TG: variants seen among roughly 807,000 people sequenced by gnomAD.
TG encodes the protein thyroid hormones.
A neutral mutation model predicts 324.7 loss-of-function variants in TG; 270 were observed. The ratio of observed to expected loss-of-function variants is 0.83; its 90% CI spans 0.75 to 0.92. The LOEUF (loss-of-function observed/expected upper bound fraction) is 0.92, where lower values mean the gene tolerates loss of function less well. Among genes scored for constraint, TG ranks in the 40% least tolerant of loss-of-function variants. The pLI is 0.00. For missense variants in TG, 3,591 were observed against 3,456.4 expected (o/e 1.04, Z -0.98); for synonymous variants, 1,401 against 1,327.0 (o/e 1.06, Z -1.21).
At chr8:132,881,468 T>C (rs1279762866) in intron 5 of TG, among the ~76,000 whole-genome samples, 2 of 152,200 alleles carry the variant, frequency 1.3e-5, no homozygotes, top group African/African-American at 2.4e-5. Context: ...CAATGTACCA[T>C]ATGTTTGTAA....
intron 26 of TG, among the ~76,000 whole-genome samples, chr8:132,943,312 A>C (rs956184421): frequency 6.6e-6 from 1 of 150,830 alleles, no homozygotes; most frequent in Admixed American, 6.6e-5. Context: ...CCTCTCTCTA[A>C]CTCCTGATCT....
At chr8:132,904,963 A>G (rs910704598) in intron 16 of TG, among the ~76,000 whole-genome samples, 9 of 152,240 alleles carry the variant, frequency 5.9e-5, no homozygotes, top group Middle Eastern at 3.4e-3. Context: ...TTTACTAGCT[A>G]TCTGACCACA....
rs572769561 is a variant in TG, at chr8:133,100,883, A to C, written c.7572+4510A>C. 4.5e-3 allele frequency among the ~76,000 whole-genome samples: 683 copies of C among 152,344 alleles called. 4 individuals are homozygous for C. Among genetic ancestry groups the C allele is most frequent in the African/African-American group, 0.016 (647 of 41,568 alleles). On this transcript the variant is annotated intron_variant, in intron 43 of 47. Coordinates refer to ENST00000220616, the MANE Select transcript of TG (RefSeq NM_003235.5). ...TAGCCTTAGGGGTTAGCCTAAGTGAAGTAACTCATGCTCTTACTTTACGTT... is the reference window on the plus strand; with the variant it reads ...TAGCCTTAGGGGTTAGCCTAAGTGACGTAACTCATGCTCTTACTTTACGTT...
chr8:132,990,587 G>T (rs1277980257), intron 35 of TG, among the ~76,000 whole-genome samples: 1 of 151,868 alleles, frequency 6.6e-6, no homozygotes, highest in Non-Finnish European at 1.5e-5. Context: ...CCCTCCCTCT[G>T]ATCTTCCCAA....
intron 35 of TG, among the ~76,000 whole-genome samples, chr8:132,986,572 T>C (rs1368320270): frequency 6.6e-6 from 1 of 152,160 alleles, no homozygotes; most frequent in Non-Finnish European, 1.5e-5. Context: ...AACAATATTG[T>C]TAACAGAGAT....
intron 41 of TG, among the ~76,000 whole-genome samples, chr8:133,058,150 G>A (rs747645852): frequency 1.4e-4 from 22 of 152,274 alleles, no homozygotes; most frequent in Non-Finnish European, 2.9e-4. Context: ...TACTTAACAC[G>A]GCATCACTGC....
At chr8:133,049,143 C>A in intron 41 of TG, 2 of 456,420 alleles carry the variant, frequency 4.4e-6, no homozygotes, top group Non-Finnish European at 8.8e-6. Context: ...GTTCAGGGCT[C>A]CAAAGCCACC....
chr8:132,942,048 G>A (rs1824523755), intron 26 of TG, among the ~76,000 whole-genome samples: 1 of 152,136 alleles, frequency 6.6e-6, no homozygotes, highest in African/African-American at 2.4e-5. Flanking sequence ...TGATCAATAG[G>A]CCTATCATTT....
rs1818936122 is a variant in TG, at chr8:132,908,036, G to T, written c.3848-150G>T. On this transcript the variant is annotated intron_variant, in intron 17 of 47. Transcript: ENST00000220616. Reference sequence around the variant, plus strand: ...CAGAGACAAGCTGTTATGCTGGAAAGTACTTAGACTCAGAATGACAATGCA... The same window carrying T: ...CAGAGACAAGCTGTTATGCTGGAAATTACTTAGACTCAGAATGACAATGCA... 3.4e-6 allele frequency: 3 copies of T among 891,794 alleles called. No individual in the cohort carries two copies. The Admixed American group carries it at 6.1e-5, about 18-fold the overall frequency. 55.2% of individuals were successfully genotyped at this position (891,794 alleles called of 1,614,324 possible).
chr8:132,963,408 G>T (rs1205125872), intron 29 of TG, among the ~76,000 whole-genome samples: 4 of 152,230 alleles, frequency 2.6e-5, no homozygotes, highest in Admixed American at 2.0e-4. Context: ...GCCCTGAAAA[G>T]TATAAACAAA....
intron 41 of TG, among the ~76,000 whole-genome samples, chr8:133,032,572 C>T (rs1045468925): frequency 2.6e-5 from 4 of 152,226 alleles, no homozygotes; most frequent in Admixed American, 2.0e-4. Context: ...GTAGCTTTTA[C>T]AACTGCTCCC....
chr8:133,042,678 C>CCTTTTTTTTTTTTTTTTTT (rs1554706932), intron 41 of TG, among the ~76,000 whole-genome samples: 8 of 56,768 alleles, frequency 1.4e-4, no homozygotes, highest in African/African-American at 2.1e-4. Flanking sequence ...CATTCTGTGT[C>CCTTTTTTTTTTTTTTTTTT]TTTTTTTTTT....
chr8:133,044,280 C>T (rs981802913), intron 41 of TG, among the ~76,000 whole-genome samples: 1 of 152,168 alleles, frequency 6.6e-6, no homozygotes, highest in African/African-American at 2.4e-5. Context: ...AACTTTCTCT[C>T]TCTGGCAGTA....
At chr8:132,986,386 A>T (rs370144006) in intron 35 of TG, among the ~76,000 whole-genome samples, 2 of 103,452 alleles carry the variant, frequency 1.9e-5, no homozygotes, top group African/African-American at 7.9e-5. Context: ...ATATGTGTGT[A>T]TATATGTGTA....
intron 41 of TG, among the ~76,000 whole-genome samples, chr8:133,052,343 C>G (rs1840570125): frequency 6.6e-6 from 1 of 152,142 alleles, no homozygotes; most frequent in Non-Finnish European, 1.5e-5. Context: ...GAAGCTGAGT[C>G]CCTGACAATA....
intron 43 of TG, among the ~76,000 whole-genome samples, chr8:133,100,733 G>A (rs1849112151): frequency 6.6e-6 from 1 of 152,282 alleles, no homozygotes; most frequent in Admixed American, 6.5e-5. Flanking sequence ...GGTATGCTGG[G>A]TACTGAAATG....
At chr8:133,045,255 C>T (rs1839107118) in intron 41 of TG, 1 of 752,734 alleles carries the variant, frequency 1.3e-6, no homozygotes, top group Non-Finnish European at 2.2e-6. Context: ...CAGCCCCTCC[C>T]TCCACTAGAC....
intron 34 of TG, among the ~76,000 whole-genome samples, chr8:132,979,186 T>C (rs1830529772): frequency 2.0e-5 from 3 of 152,242 alleles, no homozygotes; most frequent in South Asian, 4.2e-4. Context: ...GGTTAAGCAG[T>C]ACCCCAGAGC....
At chr8:133,016,697 C>G (rs1235035444) in intron 37 of TG, among the ~76,000 whole-genome samples, 1 of 152,340 alleles carries the variant, frequency 6.6e-6, no homozygotes, top group Non-Finnish European at 1.5e-5. Context: ...TGAAGTATCT[C>G]TCCATGAGTG....
Sources: allele counts gnomAD v4.1 joint callset (sites outside exome capture counted in the v4.1 genomes callset), GRCh38; gene constraint gnomAD v4.1.1; transcripts MANE v1.5; gene names NCBI Gene and HGNC (gene_info 2026-07-23, HGNC 2026-07-21).